The following PAX7 variants were observed in gnomAD, a reference collection of about 807,000 sequenced individuals.
The protein encoded by PAX7 is paired box protein Pax-7.
PAX7 carries 18 observed loss-of-function variants against 50.7 expected under a neutral mutation model. The ratio of observed to expected loss-of-function variants is 0.36; its 90% CI spans 0.25 to 0.53. The LOEUF is 0.53. PAX7 is among the 20% of genes least tolerant of loss of function. PAX7 has a pLI of 0.93. For missense variants in PAX7, 644 were observed against 702.9 expected (o/e 0.92, Z 0.95); for synonymous variants, 310 against 290.4 (o/e 1.07, Z -0.69).
At position 18,645,507 on chromosome 1, in the gene PAX7, C is replaced by T. The variant is rs541480620; in HGVS notation, c.586+9136C>T. Among the ~76,000 whole-genome samples the T allele has an allele frequency of 1.5e-3, 230 of 152,334 alleles. 1 individual carries two copies. Among genetic ancestry groups the T allele is most frequent in the South Asian group, 9.9e-3 (48 of 4,830 alleles). ...TCACCCAAGTGGGCGAGTGGGCGGC[C>T]GGCCGTGGGTTCTCTACAGTCCCAA... On this transcript the variant is annotated intron_variant, in intron 4 of 8. Transcript: ENST00000420770.
At chr1:18,674,544 C>T (rs145647024) in intron 4 of PAX7, among the ~76,000 whole-genome samples, 207 of 152,316 alleles carry the variant, frequency 1.4e-3, no homozygotes, top group Non-Finnish European at 2.6e-3. Context: ...TCTGATGGCA[C>T]AGCCACCATG....
chr1:18,718,392 C>G (rs1328204783), intron 7 of PAX7, among the ~76,000 whole-genome samples: 1 of 152,148 alleles, frequency 6.6e-6, no homozygotes, highest in African/African-American at 2.4e-5. Flanking sequence ...TCAAAAATCT[C>G]AATTTGCAGA....
chr1:18,680,666 C>T (rs2088886681), intron 4 of PAX7, among the ~76,000 whole-genome samples: 1 of 152,204 alleles, frequency 6.6e-6, no homozygotes, highest in African/African-American at 2.4e-5. Context: ...TTGCTACCTC[C>T]ACCACACTTT....
At chr1:18,666,089 G>A (rs736400) in intron 4 of PAX7, among the ~76,000 whole-genome samples, 66,900 of 152,004 alleles carry the variant, frequency 0.44, 15,186 homozygotes, top group Middle Eastern at 0.54. Flanking sequence ...CAGGAGGATC[G>A]CTTGGGCCCA....
Position 18,636,558 on chromosome 1 carries a change from TG to T in PAX7, c.586+188del, listed in dbSNP as rs1289677273. 6.6e-6 allele frequency among the ~76,000 whole-genome samples: 1 copy of T among 152,206 alleles called. No individual in the cohort carries two copies. Among genetic ancestry groups the T allele is most frequent in the Non-Finnish European group, 1.5e-5 (1 of 68,030 alleles). Reference sequence around the variant, plus strand: ...GCGCCCCCTCGGTGCGCACCCCGGATGCCGGCTAGATGCGAAGCCCGCGCCT... The same window carrying T: ...GCGCCCCCTCGGTGCGCACCCCGGATCCGGCTAGATGCGAAGCCCGCGCCT... On this transcript the variant is annotated intron_variant, in intron 4 of 8. Transcript: ENST00000420770. This position sits in a 1 kb window ranked among gnomAD's most constrained non-coding sequence, Gnocchi z 5.1.
chr1:18,685,103 T>G (rs2088955518), intron 4 of PAX7, among the ~76,000 whole-genome samples: 1 of 152,204 alleles, frequency 6.6e-6, no homozygotes, highest in South Asian at 2.1e-4. Context: ...GGGAACTTGC[T>G]GTAGCCATAT....
chr1:18,653,986 C>T (rs1458499849), intron 4 of PAX7, among the ~76,000 whole-genome samples: 1 of 152,128 alleles, frequency 6.6e-6, no homozygotes, highest in Admixed American at 6.5e-5. Flanking sequence ...ATTCTATGGG[C>T]CCCCAGCCCA....
Position 18,744,909 on chromosome 1 carries a change from G to A in PAX7, c.1498G>A (p.Glu500Lys). The A allele has an allele frequency of 6.4e-7, 1 of 1,551,552 alleles. No individual in the cohort carries two copies. The highest frequency in any genetic ancestry group is 8.7e-7 in the Non-Finnish European group (1 of 1,146,042). Residue 500 changes from glutamate (E) to lysine (K), a missense_variant, in exon 9 of 9, where the codon GAA becomes AAA. Transcript: ENST00000420770. Reference sequence around the variant, plus strand: ...TGCTGTGCTGGGACTCCTGCCTGTGGAAACTGGCCAGGCCTACTAGGGCCC... The same window carrying A: ...TGCTGTGCTGGGACTCCTGCCTGTGAAAACTGGCCAGGCCTACTAGGGCCC... ...HSAVLGLLPV[E>K]TGQAY is the part of the protein sequence containing the mutation.
chr1:18,735,598 G>A lies in PAX7; in HGVS notation c.1156-34G>A, dbSNP rs201313442. The A allele has an allele frequency of 1.9e-5, 30 of 1,587,126 alleles. No homozygotes were observed. The East Asian group carries it at 4.5e-4, about 24-fold the overall frequency. On this transcript the variant is annotated intron_variant, in intron 7 of 8. Transcript: ENST00000420770. This position sits in a 1 kb window ranked among gnomAD's most constrained non-coding sequence, Gnocchi z 4.0. ...GTGCTCGTGTCTCTGGGGTCTGTCCGGTGAGCCTGGCACTAATGGCCTTTT... is the reference window on the plus strand; with the variant it reads ...GTGCTCGTGTCTCTGGGGTCTGTCCAGTGAGCCTGGCACTAATGGCCTTTT...
intron 4 of PAX7, among the ~76,000 whole-genome samples, chr1:18,676,512 G>T (rs2100254150): frequency 6.6e-6 from 1 of 150,442 alleles, no homozygotes; most frequent in East Asian, 2.0e-4. Flanking sequence ...GGGAGGGGAG[G>T]GGAAGTTGGG....
chr1:18,667,323 G>A (rs183193329), intron 4 of PAX7, among the ~76,000 whole-genome samples: 3 of 151,882 alleles, frequency 2.0e-5, no homozygotes, highest in Admixed American at 2.0e-4. Flanking sequence ...ACAGTGGTTG[G>A]GTTTTGCCCG....
chr1:18,727,511 G>A (rs112643852), intron 7 of PAX7, among the ~76,000 whole-genome samples: 3,838 of 152,182 alleles, frequency 0.025, 135 homozygotes, highest in African/African-American at 0.087. Context: ...ACCAGAAGTC[G>A]AGAGTCAAGG....
At chr1:18,706,392 C>T (rs1449511314) in intron 7 of PAX7, among the ~76,000 whole-genome samples, 1 of 151,948 alleles carries the variant, frequency 6.6e-6, no homozygotes, top group Non-Finnish European at 1.5e-5. Flanking sequence ...GTCCCTGACA[C>T]ATTGCCCAGA....
chr1:18,716,418 A>T (rs915617056), intron 7 of PAX7, among the ~76,000 whole-genome samples: 2 of 149,674 alleles, frequency 1.3e-5, no homozygotes, highest in African/African-American at 5.0e-5. Flanking sequence ...TCCTCCAGCC[A>T]TTCGTGCCTC....
At chr1:18,635,640 A>G (rs1443712014) in intron 3 of PAX7, among the ~76,000 whole-genome samples, 1 of 152,010 alleles carries the variant, frequency 6.6e-6, no homozygotes, top group East Asian at 1.9e-4. Context: ...TTTTTCGGAG[A>G]AAATGGCTTC....
At chr1:18,652,774 T>C (rs2088453510) in intron 4 of PAX7, among the ~76,000 whole-genome samples, 1 of 152,146 alleles carries the variant, frequency 6.6e-6, no homozygotes. Context: ...GTGCCTCAGC[T>C]CTTTGGGTCC....
chr1:18,743,520 C>A (rs142668261), intron 8 of PAX7, among the ~76,000 whole-genome samples: 1 of 152,244 alleles, frequency 6.6e-6, no homozygotes, highest in Non-Finnish European at 1.5e-5. Context: ...CCAGGCCTTG[C>A]AATTCTTAAC....
At chr1:18,736,645 A>G (rs1004662661) in intron 8 of PAX7, among the ~76,000 whole-genome samples, 4 of 152,192 alleles carry the variant, frequency 2.6e-5, no homozygotes, top group Admixed American at 1.3e-4. Flanking sequence ...TTTTACACTT[A>G]CAGCCCATTT....
chr1:18,655,750 C>A (rs2100466387), intron 4 of PAX7, among the ~76,000 whole-genome samples: 1 of 149,864 alleles, frequency 6.7e-6, no homozygotes, highest in Non-Finnish European at 1.5e-5. Flanking sequence ...GAACTAGAGC[C>A]ACTGGGGAGA....
Sources: gnomAD v4.1 joint callset for allele counts (sites outside exome capture counted in the v4.1 genomes callset) on GRCh38, gnomAD v4.1.1 for gene constraint, Gnocchi (gnomAD v3.1) non-coding constraint, MANE v1.5 for transcripts, NCBI Gene and HGNC (gene_info 2026-07-23, HGNC 2026-07-21) for gene names.